BCAS1: variants seen among roughly 807,000 people sequenced by gnomAD.
BCAS1 encodes breast carcinoma-amplified sequence 1.
A neutral mutation model predicts 65.4 loss-of-function variants in BCAS1; 46 were observed. The observed-to-expected ratio is 0.70, with a 90% CI of 0.55 to 0.90. The LOEUF is 0.90. Ranked by LOEUF, BCAS1 falls within the 40% of genes least tolerant of loss-of-function variation. The pLI is 0.00. For synonymous variants in BCAS1, 298 were observed against 293.5 expected (o/e 1.02, Z -0.16); for missense variants, 793 against 771.2 (o/e 1.03, Z -0.33).
intron 3 of BCAS1, among the ~76,000 whole-genome samples, chr20:54,049,167 C>T (rs988072576): frequency 2.0e-5 from 3 of 152,174 alleles, no homozygotes; most frequent in African/African-American, 7.2e-5. Context: ...GCACTTTTCT[C>T]AAGTTAGAAT....
chr20:54,022,252 C>T (rs1429659430), intron 4 of BCAS1, among the ~76,000 whole-genome samples: 1 of 151,950 alleles, frequency 6.6e-6, no homozygotes, highest in East Asian at 1.9e-4. Flanking sequence ...ATAGTACATC[C>T]TCCTTGTTAA....
At chr20:54,007,227 A>C (rs2091217620) in intron 4 of BCAS1, among the ~76,000 whole-genome samples, 2 of 152,230 alleles carry the variant, frequency 1.3e-5, no homozygotes, top group Admixed American at 6.5e-5. Context: ...GCTGCAAGGC[A>C]ATGATTCTTT....
intron 12 of BCAS1, among the ~76,000 whole-genome samples, chr20:53,950,820 CAGTCAACCCTAGTCATGCAACT>C (rs2145485107): frequency 6.6e-6 from 1 of 152,278 alleles, no homozygotes; most frequent in Admixed American, 6.5e-5. Context: ...TCAACCCAAC[CAGTCAACCCTAGTCATGCAACT>C]AGTCAACCCT....
intron 9 of BCAS1, 33 bp from the exon 10 acceptor site, chr20:53,967,106 AAAAC>A: frequency 1.3e-6 from 2 of 1,598,798 alleles, no homozygotes; most frequent in Non-Finnish European, 1.7e-6. Context: ...AAGAAAATGA[AAAAC>A]AAAACATTCC....
chr20:53,991,064 T>C (rs936125608), intron 7 of BCAS1, among the ~76,000 whole-genome samples: 3 of 152,230 alleles, frequency 2.0e-5, no homozygotes, highest in Non-Finnish European at 4.4e-5. Context: ...CGTAAAATTT[T>C]GTAGTGCATG....
At chr20:54,043,443 C>T (rs1445702885) in intron 3 of BCAS1, among the ~76,000 whole-genome samples, 1 of 152,072 alleles carries the variant, frequency 6.6e-6, no homozygotes, top group Non-Finnish European at 1.5e-5. Context: ...TTGGCCAACA[C>T]AGTGTTTATA....
chr20:53,965,088 T>C (rs1407276184), intron 10 of BCAS1, among the ~76,000 whole-genome samples: 1 of 152,212 alleles, frequency 6.6e-6, no homozygotes, highest in Non-Finnish European at 1.5e-5. Context: ...CAAGTCTTAA[T>C]CTCCATTTTC....
At chr20:54,001,021 G>A (rs1164052532) in intron 4 of BCAS1, among the ~76,000 whole-genome samples, 1 of 152,018 alleles carries the variant, frequency 6.6e-6, no homozygotes, top group Non-Finnish European at 1.5e-5. Flanking sequence ...ATTTTTGTTT[G>A]CATGTCAGAC....
intron 3 of BCAS1, among the ~76,000 whole-genome samples, chr20:54,031,803 C>A (rs953421213): frequency 2.6e-5 from 4 of 151,162 alleles, no homozygotes; most frequent in African/African-American, 9.7e-5. Flanking sequence ...GGGAATTGGT[C>A]AGTCCCTGTT....
At chr20:54,056,309 C>T (rs1356314537) in intron 3 of BCAS1, among the ~76,000 whole-genome samples, 3 of 152,038 alleles carry the variant, frequency 2.0e-5, no homozygotes, top group Admixed American at 6.6e-5. Flanking sequence ...TTTGCAGCAA[C>T]GTGGATGGAA....
At chr20:53,964,395 AG>A (rs1456149614) in intron 10 of BCAS1, among the ~76,000 whole-genome samples, 6 of 152,256 alleles carry the variant, frequency 3.9e-5, no homozygotes, top group African/African-American at 1.2e-4. Flanking sequence ...AAGGCAAAAC[AG>A]AAAAAAAGAC....
intron 4 of BCAS1, among the ~76,000 whole-genome samples, chr20:54,012,907 G>T (rs1168768150): frequency 6.6e-6 from 1 of 152,208 alleles, no homozygotes; most frequent in Non-Finnish European, 1.5e-5. Flanking sequence ...TTTCAGTGCT[G>T]TGCTGCACTG....
chr20:54,052,841 G>T (rs1484820239), intron 3 of BCAS1, among the ~76,000 whole-genome samples: 1 of 152,166 alleles, frequency 6.6e-6, no homozygotes, highest in African/African-American at 2.4e-5. Context: ...ATGGCATTTT[G>T]TTATAGCAGT....
intron 10 of BCAS1, among the ~76,000 whole-genome samples, chr20:53,958,830 C>A (rs978201302): frequency 6.6e-6 from 1 of 152,142 alleles, no homozygotes; most frequent in African/African-American, 2.4e-5. Flanking sequence ...ATGGAACTAG[C>A]AGGTTTGAGT....
intron 11 of BCAS1, among the ~76,000 whole-genome samples, chr20:53,953,990 T>C (rs773737963): frequency 3.3e-5 from 5 of 152,152 alleles, no homozygotes; most frequent in Non-Finnish European, 5.9e-5. Flanking sequence ...ACACCCTTCT[T>C]CCTCATCTAC....
chr20:54,051,110 T>C (rs1452642618), intron 3 of BCAS1, among the ~76,000 whole-genome samples: 1 of 152,180 alleles, frequency 6.6e-6, no homozygotes, highest in Non-Finnish European at 1.5e-5. Context: ...TGCATATTAA[T>C]AGGGGTTGTG....
At chr20:53,946,464 A>T (rs2145440052) in intron 12 of BCAS1, among the ~76,000 whole-genome samples, 1 of 149,954 alleles carries the variant, frequency 6.7e-6, no homozygotes, top group Admixed American at 6.6e-5. Flanking sequence ...ACTATAAGAC[A>T]GTATAGGGTA....
At chr20:54,059,358 G>A (rs2092347711) in intron 1 of BCAS1, among the ~76,000 whole-genome samples, 2 of 152,194 alleles carry the variant, frequency 1.3e-5, no homozygotes, top group Non-Finnish European at 1.5e-5. Flanking sequence ...ATTCAGTGTA[G>A]ATAGCATTTT....
chr20:53,954,030 C>G (rs2089616878), intron 11 of BCAS1, among the ~76,000 whole-genome samples: 2 of 152,138 alleles, frequency 1.3e-5, no homozygotes, highest in African/African-American at 4.8e-5. Flanking sequence ...CTATTTCCAC[C>G]TCCAGACAAG....
Sources: allele counts gnomAD v4.1 joint callset (sites outside exome capture counted in the v4.1 genomes callset), GRCh38; gene constraint gnomAD v4.1.1; transcripts MANE v1.5; gene names NCBI Gene and HGNC (gene_info 2026-07-23, HGNC 2026-07-21).